Variants in TNFSF11 observed in about 807,000 individuals in gnomAD.
TNFSF11 encodes the protein TNF superfamily member 11.
In TNFSF11, 12 loss-of-function variants were observed where a neutral mutation model predicts 32.2. That is an observed-to-expected ratio of 0.37 (90% CI 0.24 to 0.60). TNFSF11 has a LOEUF of 0.60. TNFSF11 is among the 20% of genes least tolerant of loss of function. TNFSF11 has a pLI of 0.66. For missense variants in TNFSF11, 345 were observed against 398.0 expected (o/e 0.87, Z 1.13); for synonymous variants, 172 against 152.1 (o/e 1.13, Z -0.96).
At chr13:42,598,546 T>C (rs1868949013) in intron 2 of TNFSF11, among the ~76,000 whole-genome samples, 1 of 152,164 alleles carries the variant, frequency 6.6e-6, no homozygotes, top group South Asian at 2.1e-4. Flanking sequence ...TATCAAGGCA[T>C]GTCCCTGTTA....
chr13:42,566,653 A>T (rs201460399), exon 2 of TNFSF11: 4 of 152,376 alleles, frequency 2.6e-5, no homozygotes, highest in Non-Finnish European at 4.4e-5. Flanking sequence ...AACTGCTGAA[A>T]TATTGAACAC....
At chr13:42,599,349 CATCTATCTATCTATCTATCT>C (rs1555310744) in intron 2 of TNFSF11, among the ~76,000 whole-genome samples, 2 of 112,186 alleles carry the variant, frequency 1.8e-5, no homozygotes, top group Admixed American at 1.9e-4. Flanking sequence ...ATCTATCTAT[CATCTATCTATCTATCTATCT>C]ATCTATCTAT....
At chr13:42,595,800 G>A (rs1228153522) in intron 2 of TNFSF11, among the ~76,000 whole-genome samples, 1 of 152,208 alleles carries the variant, frequency 6.6e-6, no homozygotes, top group African/African-American at 2.4e-5. Context: ...CAGAAGAAAG[G>A]AGTCGGGATA....
At chr13:42,598,187 A>G (rs138989357) in intron 2 of TNFSF11, among the ~76,000 whole-genome samples, 1 of 152,256 alleles carries the variant, frequency 6.6e-6, no homozygotes, top group African/African-American at 2.4e-5. Context: ...AGAAAATCAC[A>G]AAACAGGCAT....
At chr13:42,593,310 C>T (rs1868608239) in intron 2 of TNFSF11, among the ~76,000 whole-genome samples, 2 of 152,196 alleles carry the variant, frequency 1.3e-5, no homozygotes, top group Admixed American at 1.3e-4. Flanking sequence ...GCAGGGCCTT[C>T]TAAGCCCTGG....
At chr13:42,602,566 A>G (rs1869236293) in intron 4 of TNFSF11, among the ~76,000 whole-genome samples, 1 of 152,234 alleles carries the variant, frequency 6.6e-6, no homozygotes, top group African/African-American at 2.4e-5. Context: ...CTCCTGTCCC[A>G]GACACTTGCT....
chr13:42,586,344 T>G (rs1357871447), intron 2 of TNFSF11, among the ~76,000 whole-genome samples: 5 of 152,238 alleles, frequency 3.3e-5, no homozygotes, highest in Admixed American at 6.5e-5. Context: ...TAAACTAATA[T>G]TTTACATCAA....
chr13:42,577,969 G>A (rs1220057476), intron 1 of TNFSF11, among the ~76,000 whole-genome samples: 1 of 152,144 alleles, frequency 6.6e-6, no homozygotes, highest in Non-Finnish European at 1.5e-5. Flanking sequence ...GAATTCATTG[G>A]TTACTCAGTT....
intron 1 of TNFSF11, among the ~76,000 whole-genome samples, chr13:42,566,277 G>T (rs1872866129): frequency 6.6e-6 from 1 of 152,156 alleles, no homozygotes; most frequent in South Asian, 2.1e-4. Flanking sequence ...TGGTGAGGAA[G>T]CATCTTCCCT....
At chr13:42,606,378 A>G (rs1869452820) in intron 4 of TNFSF11, 119 bp from the exon 5 acceptor site, 1 of 1,226,966 alleles carries the variant, frequency 8.2e-7, no homozygotes, top group African/African-American at 1.5e-5. Flanking sequence ...CCAATAAGTT[A>G]TTCTCCCTTT....
At chr13:42,590,550 G>A (rs1376395716) in intron 2 of TNFSF11, among the ~76,000 whole-genome samples, 1 of 152,204 alleles carries the variant, frequency 6.6e-6, no homozygotes, top group Non-Finnish European at 1.5e-5. Flanking sequence ...AAGAGATGAG[G>A]ATTTGTCAAT....
upstream of TNFSF11, among the ~76,000 whole-genome samples, chr13:42,569,582 GAGAA>G (rs1872988763): frequency 1.3e-5 from 2 of 150,958 alleles, no homozygotes; most frequent in South Asian, 4.2e-4. Context: ...GAAAAGAAAA[GAGAA>G]AGAGAGAGAG....
upstream of TNFSF11, among the ~76,000 whole-genome samples, chr13:42,570,166 A>G (rs527795629): frequency 6.6e-6 from 1 of 152,304 alleles, no homozygotes; most frequent in South Asian, 2.1e-4. Context: ...GAACAGCTAT[A>G]GTATTTGTAC....
rs1381349510 is a variant in TNFSF11 at position 42,606,935 on chromosome 13, T to C, written c.*17T>C. 6.2e-7 allele frequency: 1 copy of C among 1,613,706 alleles called. No individual in the cohort carries two copies. Among genetic ancestry groups the C allele is most frequent in the Non-Finnish European group, 8.5e-7 (1 of 1,179,966 alleles). On this transcript the variant is annotated 3_prime_UTR_variant, in exon 5 of 5. Coordinates refer to ENST00000398795, the MANE Select transcript of TNFSF11 (RefSeq NM_003701.4). ...ATAGATTGAGCCCCAGTTTTTGGAGTGTTATGTATTTCCTGGATGTTTGGA... is the reference window on the plus strand; with the variant it reads ...ATAGATTGAGCCCCAGTTTTTGGAGCGTTATGTATTTCCTGGATGTTTGGA...
upstream of TNFSF11, among the ~76,000 whole-genome samples, chr13:42,572,580 A>G (rs751105786): frequency 6.6e-6 from 1 of 152,230 alleles, no homozygotes; most frequent in South Asian, 2.1e-4. Context: ...GACTACAAGG[A>G]GTAGAATTAA....
chr13:42,580,249 G>C (rs574166800), intron 1 of TNFSF11, among the ~76,000 whole-genome samples: 3 of 152,156 alleles, frequency 2.0e-5, no homozygotes, highest in African/African-American at 4.8e-5. Context: ...CACCACAAAG[G>C]CTTGGAAGGA....
chr13:42,602,372 C>T (rs1015444667), intron 4 of TNFSF11, among the ~76,000 whole-genome samples: 4 of 151,986 alleles, frequency 2.6e-5, no homozygotes, highest in African/African-American at 7.3e-5. Context: ...TATACATATT[C>T]CACCTTTTTC....
chr13:42,600,959 T>G lies in TNFSF11; in HGVS notation c.510T>G (p.Ile170Met), dbSNP rs757365248. 1 of 1,614,138 alleles carries G rather than the reference T, an allele frequency of 6.2e-7. No individual in the cohort carries two copies. The change falls in exon 4 of 5, where the codon ATT (isoleucine) becomes ATG (methionine). Residue 170 changes from isoleucine to methionine, a missense_variant. By Grantham distance (10) the Ile-to-Met change is conservative (BLOSUM62 1). Around this residue, in one of 2 missense-constraint regions of TNFSF11, gnomAD observed 148 missense variants for 216.0 expected, o/e 0.69. Transcript: ENST00000398795. Reference sequence around the variant, plus strand: ...CTCAGCCTTTTGCTCATCTCACTATTAATGCCACCGACATCCCATCTGGTA... The same window carrying G: ...CTCAGCCTTTTGCTCATCTCACTATGAATGCCACCGACATCCCATCTGGTA... ...LEAQPFAHLT[I>M]NATDIPSGSH...
chr13:42,584,610 C>G (rs974503054), intron 2 of TNFSF11, among the ~76,000 whole-genome samples: 1 of 152,168 alleles, frequency 6.6e-6, no homozygotes, highest in African/African-American at 2.4e-5. Flanking sequence ...ATTTTAGGAT[C>G]CTTTTGGAGA....
Sources: allele counts gnomAD v4.1 joint callset (sites outside exome capture counted in the v4.1 genomes callset), GRCh38; gene constraint gnomAD v4.1.1; regional missense constraint gnomAD v4.1.1; transcripts MANE v1.5; gene names NCBI Gene and HGNC (gene_info 2026-07-23, HGNC 2026-07-21).